The following SYNPR variants were observed in gnomAD, a reference collection of about 807,000 sequenced individuals.
The protein encoded by SYNPR is synaptoporin.
A neutral mutation model predicts 32.9 loss-of-function variants in SYNPR; 23 were observed. The ratio of observed to expected loss-of-function variants is 0.70; its 90% CI spans 0.50 to 0.99. The LOEUF (loss-of-function observed/expected upper bound fraction) is 0.99. Among genes scored for constraint, SYNPR ranks in the 50% least tolerant of loss-of-function variants. The pLI, the probability that SYNPR is intolerant of heterozygous loss-of-function variation, is 0.00. For missense variants in SYNPR, 318 were observed against 349.3 expected (o/e 0.91, Z 0.71); for synonymous variants, 146 against 135.9 (o/e 1.07, Z -0.52).
At chr3:63,509,270 AGTTATATATATGT>A (rs145881391) in intron 3 of SYNPR, among the ~76,000 whole-genome samples, 38,203 of 149,110 alleles carry the variant, frequency 0.26, 5,895 homozygotes, top group African/African-American at 0.44. Flanking sequence ...TAAGGCTGAA[AGTTATATATATGT>A]GTGTGTATAT....
intron 2 of SYNPR, among the ~76,000 whole-genome samples, chr3:63,264,396 G>GAAAA (rs3082043): frequency 1.3e-5 from 2 of 151,706 alleles, no homozygotes; most frequent in East Asian, 1.9e-4. Flanking sequence ...AAGCCTGTTT[G>GAAAA]AAAAAAATCA....
chr3:63,433,995 T>C (rs1207273067), intron 2 of SYNPR, among the ~76,000 whole-genome samples: 1 of 152,154 alleles, frequency 6.6e-6, no homozygotes, highest in African/African-American at 2.4e-5. Context: ...GGTCAGGAGC[T>C]GAGAGCAGAG....
intron 2 of SYNPR, among the ~76,000 whole-genome samples, chr3:63,379,854 A>C (rs977954679): frequency 2.0e-5 from 3 of 151,606 alleles, no homozygotes; most frequent in Non-Finnish European, 2.9e-5. Flanking sequence ...AACCCCACAA[A>C]AGGCCCCGGT....
chr3:63,432,372 T>C (rs1700010762), intron 2 of SYNPR, among the ~76,000 whole-genome samples: 2 of 152,172 alleles, frequency 1.3e-5, no homozygotes, highest in South Asian at 2.1e-4. Flanking sequence ...GCAGTGTTGA[T>C]GAACTGACAT....
At position 63,493,815 on chromosome 3, in the gene SYNPR, C is replaced by CAA. The variant is rs3083190; in HGVS notation, c.209+12880_209+12881dup. 5.5e-3 allele frequency among the ~76,000 whole-genome samples: 409 copies of CAA among 74,994 alleles called. 16 individuals are homozygous for CAA. The highest frequency in any genetic ancestry group is 0.014 in the African/African-American group (246 of 18,176). 49.2% of individuals were successfully genotyped at this position (74,994 alleles called of 152,430 possible). On this transcript the variant is annotated intron_variant, in intron 3 of 5. Transcript: ENST00000478300. Reference sequence around the variant, plus strand: ...TGGGTAACAGTGCAAGACTCTGTCTCAAAAAAAAAAAAAAAAAAAAAATGG... The same window carrying CAA: ...TGGGTAACAGTGCAAGACTCTGTCTCAAAAAAAAAAAAAAAAAAAAAAAATGG...
At chr3:63,558,345 G>C (rs7639747) in intron 4 of SYNPR, among the ~76,000 whole-genome samples, 285 of 152,112 alleles carry the variant, frequency 1.9e-3, no homozygotes, top group African/African-American at 6.3e-3. Flanking sequence ...TTTACTTTTT[G>C]TTTTATTTTA....
chr3:63,591,811 T>C (rs1440644379), intron 4 of SYNPR, among the ~76,000 whole-genome samples: 1 of 42,634 alleles, frequency 2.3e-5, no homozygotes, highest in African/African-American at 9.6e-5. Context: ...TGTGGTGGGG[T>C]GGGGGGAGGG....
intron 3 of SYNPR, among the ~76,000 whole-genome samples, chr3:63,543,370 A>G (rs951689144): frequency 3.4e-4 from 52 of 152,242 alleles, no homozygotes; most frequent in Admixed American, 2.9e-3. Flanking sequence ...TATTTGTAGC[A>G]TATAGTCACA....
chr3:63,564,185 G>A (rs943287293), intron 4 of SYNPR, among the ~76,000 whole-genome samples: 1 of 144,964 alleles, frequency 6.9e-6, no homozygotes, highest in African/African-American at 2.6e-5. Context: ...TGGGGTGTGT[G>A]TGTGTCTTTC....
chr3:63,209,864 T>C, the SYNPR span, among the ~76,000 whole-genome samples: 119,305 of 152,168 alleles, frequency 0.78, 47,273 homozygotes, highest in Middle Eastern at 0.87. Flanking sequence ...CCTCTAAAGA[T>C]TGGAAGCTCC....
intron 1 of SYNPR, among the ~76,000 whole-genome samples, chr3:63,231,525 C>T (rs936476992): frequency 6.6e-6 from 1 of 152,092 alleles, no homozygotes; most frequent in African/African-American, 2.4e-5. Context: ...TAGTGACTGC[C>T]CCTTATTCCC....
chr3:63,265,947 G>A (rs182510046), intron 2 of SYNPR, among the ~76,000 whole-genome samples: 87 of 152,270 alleles, frequency 5.7e-4, no homozygotes, highest in African/African-American at 1.4e-3. Context: ...TTAATATTGC[G>A]TTTTACCTCA....
At position 63,473,300 on chromosome 3, in the gene SYNPR, A is replaced by T. The variant is rs75050831; in HGVS notation, c.85-7532A>T. ...AACGTGCTCCAATTTCTGCCACCAC[A>T]GTAAAGCACCATTGCAGTGCCTGTT... On this transcript the variant is annotated intron_variant, in intron 2 of 5. Transcript: ENST00000478300. Among the ~76,000 whole-genome samples, 1,294 of 152,268 alleles carry T rather than the reference A, an allele frequency of 8.5e-3. 58 individuals are homozygous for T. In the East Asian group the frequency reaches 0.13, roughly 16 times the overall value.
At chr3:63,308,673 T>C (rs2106950099) in intron 2 of SYNPR, among the ~76,000 whole-genome samples, 1 of 152,058 alleles carries the variant, frequency 6.6e-6, no homozygotes, top group African/African-American at 2.4e-5. Flanking sequence ...AACAAGAAAT[T>C]TTCTGTAATT....
At chr3:63,202,940 A>G in the SYNPR span, among the ~76,000 whole-genome samples, 1 of 151,830 alleles carries the variant, frequency 6.6e-6, no homozygotes, top group Non-Finnish European at 1.5e-5. Flanking sequence ...ATTAATGAAT[A>G]CAGAAAATTT....
At chr3:63,454,173 T>C (rs970456553) in intron 2 of SYNPR, among the ~76,000 whole-genome samples, 112 of 152,082 alleles carry the variant, frequency 7.4e-4, no homozygotes, top group African/African-American at 2.6e-3. Context: ...TTAGATAGAA[T>C]AAGAGCTATA....
intron 2 of SYNPR, among the ~76,000 whole-genome samples, chr3:63,308,852 T>C (rs1460912267): frequency 6.6e-6 from 1 of 151,886 alleles, no homozygotes; most frequent in African/African-American, 2.4e-5. Flanking sequence ...CATAGAATTA[T>C]AGTTTTATAA....
intron 2 of SYNPR, among the ~76,000 whole-genome samples, chr3:63,426,170 T>C (rs1193854728): frequency 6.6e-6 from 1 of 152,218 alleles, no homozygotes; most frequent in East Asian, 1.9e-4. Flanking sequence ...TGGATGAAGA[T>C]GATAAGGCTT....
intron 2 of SYNPR, among the ~76,000 whole-genome samples, chr3:63,319,865 T>C (rs938952305): frequency 6.6e-6 from 1 of 152,074 alleles, no homozygotes; most frequent in African/African-American, 2.4e-5. Context: ...ATTTAATCAG[T>C]CTCTAATTAT....
Sources: allele counts gnomAD v4.1 joint callset (sites outside exome capture counted in the v4.1 genomes callset), GRCh38; gene constraint gnomAD v4.1.1; transcripts MANE v1.5; gene names NCBI Gene and HGNC (gene_info 2026-07-23, HGNC 2026-07-21).